The following CEP89 variants were observed in gnomAD, a reference collection of about 807,000 sequenced individuals.
The protein encoded by CEP89 is centrosomal protein 89.
In CEP89, 95 loss-of-function variants were observed where a neutral mutation model predicts 97.6. The observed-to-expected ratio is 0.97, with a 90% CI of 0.82 to 1.15. The LOEUF (loss-of-function observed/expected upper bound fraction) is 1.15, where lower values mean the gene tolerates loss of function less well. Among genes scored for constraint, CEP89 ranks in the 50% most tolerant of loss-of-function variants. CEP89 has a pLI of 0.00. For synonymous variants in CEP89, 354 were observed against 349.1 expected (o/e 1.01, Z -0.16); for missense variants, 869 against 947.7 (o/e 0.92, Z 1.09).
At chr19:32,926,300 A>T in intron 10 of CEP89, 27 bp from the exon 11 acceptor site, 1 of 1,517,526 alleles carries the variant, frequency 6.6e-7, no homozygotes, top group Non-Finnish European at 9.1e-7. Flanking sequence ...AAGGAAGGTT[A>T]ATATATTTCT....
chr19:32,943,693 T>C (rs1476706847), intron 5 of CEP89, among the ~76,000 whole-genome samples: 3 of 151,008 alleles, frequency 2.0e-5, no homozygotes, highest in Non-Finnish European at 2.9e-5. Context: ...CATTAGGTAG[T>C]GGGGAGGGAG....
Position 32,880,899 on chromosome 19 carries a change from A to G in CEP89, c.2135+945T>C, listed in dbSNP as rs1382798761. On this transcript the variant is annotated intron_variant, in intron 18 of 18. Coordinates refer to ENST00000305768, the MANE Select transcript of CEP89 (RefSeq NM_032816.5). ...AGAGTGACAGAAAATCTCAGGACCC[A>G]CTCTTGTCCAAGTTTCTCTTCCTAC... 1.3e-5 allele frequency among the ~76,000 whole-genome samples: 2 copies of G among 151,708 alleles called. 1 individual carries two copies. The highest frequency in any genetic ancestry group is 2.9e-5 in the Non-Finnish European group (2 of 67,950).
intron 5 of CEP89, among the ~76,000 whole-genome samples, chr19:32,945,514 G>C (rs1271480826): frequency 6.6e-6 from 1 of 152,080 alleles, no homozygotes; most frequent in Non-Finnish European, 1.5e-5. Context: ...CACCTTCATG[G>C]CCAGCTCATG....
chr19:32,945,418 G>C (rs1352168083), intron 5 of CEP89, among the ~76,000 whole-genome samples: 3 of 152,106 alleles, frequency 2.0e-5, no homozygotes, highest in African/African-American at 7.2e-5. Flanking sequence ...ATCACTGCAG[G>C]AGCTGCAATC....
intron 3 of CEP89, among the ~76,000 whole-genome samples, chr19:32,957,940 G>T (rs890743568): frequency 3.3e-5 from 5 of 152,014 alleles, no homozygotes; most frequent in African/African-American, 1.2e-4. Flanking sequence ...AGGTTGCAGT[G>T]AGCCATGATT....
intron 17 of CEP89, among the ~76,000 whole-genome samples, chr19:32,885,214 T>C (rs59932277): frequency 0.081 from 12,377 of 152,274 alleles, 1,574 homozygotes; most frequent in African/African-American, 0.27. Context: ...AACATTTACA[T>C]ACAATTCTAT....
rs776718788 is a variant in CEP89 at position 32,960,046 on chromosome 19, T to C, written c.159A>G (p.Ala53=). ...TCAATGTTGTCGCCAGAATGGCTGC[T>C]GCCAGAGCAGATCTGCGGACAAAAA... ...PSPERPRSAL[A]AAILATTLTG... Residue 53 remains alanine, a synonymous_variant, in exon 3 of 19, where the codon GCA becomes GCG. Transcript: ENST00000305768. The C allele has an allele frequency of 2.5e-6, 4 of 1,614,208 alleles. No homozygotes were observed. The highest frequency in any genetic ancestry group is 1.1e-5 in the South Asian group (1 of 91,090).
intron 14 of CEP89, among the ~76,000 whole-genome samples, chr19:32,902,173 T>C (rs1483689880): frequency 1.3e-5 from 2 of 152,108 alleles, no homozygotes; most frequent in Admixed American, 6.5e-5. Flanking sequence ...TAATTATAAA[T>C]ACATGTTTTT....
At position 32,971,734 on chromosome 19, in the gene CEP89, C is replaced by T. The variant is rs1252210076; in HGVS notation, c.39+102G>A. ...GAAAACCACTTTCTCTTGTGCCGCC[C>T]CCTTGACTGGATCTCAGGCCAAACC... On this transcript the variant is annotated intron_variant, in intron 1 of 18. Coordinates refer to ENST00000305768, the MANE Select transcript of CEP89 (RefSeq NM_032816.5). 4.1e-5 allele frequency: 47 copies of T among 1,156,892 alleles called. No individual in the cohort carries two copies. In the East Asian group the frequency reaches 1.2e-3, roughly 29 times the overall value. The allele number at this position is 1,156,892 out of a possible 1,614,324, so 71.7% of individuals were successfully genotyped here.
At chr19:32,903,281 C>T (rs1568551912) in intron 14 of CEP89, among the ~76,000 whole-genome samples, 1 of 152,122 alleles carries the variant, frequency 6.6e-6, no homozygotes, top group South Asian at 2.1e-4. Flanking sequence ...AAATCTAACA[C>T]TATTTAAAGC....
intron 17 of CEP89, among the ~76,000 whole-genome samples, chr19:32,883,164 G>A (rs911435669): frequency 2.0e-5 from 3 of 151,828 alleles, no homozygotes; most frequent in Non-Finnish European, 4.4e-5. Flanking sequence ...GCCCGGCCGA[G>A]CATTTCTAAA....
intron 15 of CEP89, among the ~76,000 whole-genome samples, chr19:32,900,245 CAT>C (rs1969736391): frequency 1.1e-5 from 1 of 91,572 alleles, no homozygotes; most frequent in Non-Finnish European, 2.3e-5. Context: ...TGAATAGGTT[CAT>C]TTTTTTTTTT....
At chr19:32,887,968 C>T in intron 16 of CEP89, 127 bp from the exon 17 acceptor site, 1 of 641,720 alleles carries the variant, frequency 1.6e-6, no homozygotes, top group Non-Finnish European at 2.7e-6. Flanking sequence ...CTGCCTCAAC[C>T]CCTTCCCCAC....
chr19:32,949,594 G>A lies in CEP89; in HGVS notation c.493-1226C>T, dbSNP rs1970869658. On this transcript the variant is annotated intron_variant, in intron 4 of 18. Transcript: ENST00000305768. ...AGATGGGGTCTCAGTATGTTGTCCA[G>A]GCTGGTCTTGAACTTCTGGCCTCAA... 2.0e-5 allele frequency among the ~76,000 whole-genome samples: 3 copies of A among 152,158 alleles called. 1 individual carries two copies. The highest frequency in any genetic ancestry group is 2.0e-4 in the Admixed American group (3 of 15,266).
At chr19:32,944,776 C>T (rs1013274172) in intron 5 of CEP89, among the ~76,000 whole-genome samples, 5 of 152,212 alleles carry the variant, frequency 3.3e-5, no homozygotes, top group African/African-American at 1.2e-4. Context: ...GGGCCTTGCC[C>T]AAAGTGTGTT....
intron 14 of CEP89, among the ~76,000 whole-genome samples, chr19:32,903,882 C>A (rs181503064): frequency 7.6e-4 from 116 of 152,240 alleles, no homozygotes; most frequent in African/African-American, 2.7e-3. Context: ...CCATGCTGGC[C>A]GGGTGTGGGG....
At chr19:32,949,680 G>A (rs1300336175) in intron 4 of CEP89, among the ~76,000 whole-genome samples, 2 of 152,028 alleles carry the variant, frequency 1.3e-5, no homozygotes, top group Admixed American at 6.6e-5. Flanking sequence ...CACTGCACTC[G>A]ACCTGAACCA....
intron 8 of CEP89, among the ~76,000 whole-genome samples, chr19:32,932,582 T>C (rs964824449): frequency 2.6e-5 from 4 of 152,054 alleles, no homozygotes; most frequent in Non-Finnish European, 4.4e-5. Flanking sequence ...GACAAAGGGA[T>C]AAAATCTTTC....
At chr19:32,892,234 TA>T in intron 16 of CEP89, among the ~76,000 whole-genome samples, 1 of 123,816 alleles carries the variant, frequency 8.1e-6, no homozygotes, top group Admixed American at 7.9e-5. Flanking sequence ...TATATATATA[TA>T]TATATATGTC....
Sources: allele counts gnomAD v4.1 joint callset (sites outside exome capture counted in the v4.1 genomes callset), GRCh38; gene constraint gnomAD v4.1.1; transcripts MANE v1.5; gene names NCBI Gene and HGNC (gene_info 2026-07-23, HGNC 2026-07-21).